BMPER: variants seen among roughly 807,000 people sequenced by gnomAD.
BMPER encodes BMP-binding endothelial regulator protein.
In BMPER, 45 loss-of-function variants were observed where a neutral mutation model predicts 87.3. The ratio of observed to expected loss-of-function variants is 0.52; its 90% confidence interval spans 0.41 to 0.66. The LOEUF (loss-of-function observed/expected upper bound fraction) is 0.66, where lower values mean the gene tolerates loss of function less well. Among genes scored for constraint, BMPER ranks in the 30% least tolerant of loss-of-function variants. BMPER has a pLI of 0.00. For missense variants in BMPER, 784 were observed against 867.5 expected (o/e 0.90, Z 1.21); for synonymous variants, 326 against 316.2 (o/e 1.03, Z -0.33).
At chr7:34,006,545 TA>T (rs1195455148) in intron 6 of BMPER, among the ~76,000 whole-genome samples, 2 of 152,076 alleles carry the variant, frequency 1.3e-5, no homozygotes, top group Non-Finnish European at 2.9e-5. Context: ...TCAAAATTGC[TA>T]ATTTTTTATA....
chr7:34,025,711 C>T (rs545743509), intron 6 of BMPER, among the ~76,000 whole-genome samples: 1 of 152,096 alleles, frequency 6.6e-6, no homozygotes, highest in East Asian at 2.0e-4. Context: ...ACTCAATTAG[C>T]ACTTAGTACT....
intron 6 of BMPER, among the ~76,000 whole-genome samples, chr7:34,009,391 G>A (rs1452017147): frequency 1.3e-5 from 2 of 151,802 alleles, no homozygotes; most frequent in African/African-American, 4.8e-5. Context: ...GTTTTATGAG[G>A]GTGCTCTATT....
At chr7:34,090,575 C>T (rs1048492442) in intron 13 of BMPER, among the ~76,000 whole-genome samples, 3 of 152,178 alleles carry the variant, frequency 2.0e-5, no homozygotes, top group Admixed American at 6.5e-5. Context: ...TGGGGCACAA[C>T]GAGAGGCCAG....
chr7:34,078,982 C>T lies in BMPER; in HGVS notation c.1204C>T (p.Gln402Ter). Residue 402 changes from glutamine (Q) to a stop codon, truncating the protein, a stop_gained, in exon 12 of 15, where the codon CAG becomes TAG. Transcript: ENST00000649409. LOFTEE classifies it high-confidence loss of function. ...CTGCTCCTCCCCTGCCTCGCCCTTC[C>T]AGGTGCTGGTGAAGAACGACGCCCG... ...KDCSSPASPF[Q>*]VLVKNDARRT... is the part of the protein sequence containing the mutation. 6.2e-7 allele frequency: 1 copy of T among 1,614,218 alleles called. No homozygotes were observed. Among genetic ancestry groups the T allele is most frequent in the Non-Finnish European group, 8.5e-7 (1 of 1,180,044 alleles).
At chr7:33,944,577 T>G (rs2128611475) in intron 3 of BMPER, among the ~76,000 whole-genome samples, 1 of 152,358 alleles carries the variant, frequency 6.6e-6, no homozygotes, top group South Asian at 2.1e-4. Context: ...TTGTTTGTTT[T>G]GAAACTTCTA....
At chr7:34,036,533 A>G (rs1204578388) in intron 6 of BMPER, among the ~76,000 whole-genome samples, 3 of 152,130 alleles carry the variant, frequency 2.0e-5, no homozygotes, top group African/African-American at 7.2e-5. Context: ...TGGAAGGGGA[A>G]AGACCTTGCT....
chr7:34,018,079 A>T (rs555903354), intron 6 of BMPER, among the ~76,000 whole-genome samples: 5 of 151,976 alleles, frequency 3.3e-5, no homozygotes, highest in African/African-American at 1.2e-4. Flanking sequence ...CAGTGCTGCC[A>T]TCCAAAACCA....
At chr7:33,994,144 C>G in intron 6 of BMPER, among the ~76,000 whole-genome samples, 1 of 152,202 alleles carries the variant, frequency 6.6e-6, no homozygotes, top group Non-Finnish European at 1.5e-5. Context: ...GTGGTGGGCT[C>G]CACCCAGTTC....
chr7:34,080,950 AT>A (rs1043290860), intron 12 of BMPER, among the ~76,000 whole-genome samples: 2 of 152,196 alleles, frequency 1.3e-5, no homozygotes, highest in Non-Finnish European at 2.9e-5. Context: ...CCATAATTAG[AT>A]TAGTGAATTT....
chr7:34,054,511 T>C (rs1042788560), intron 8 of BMPER, among the ~76,000 whole-genome samples: 51 of 152,230 alleles, frequency 3.4e-4, no homozygotes, highest in African/African-American at 1.2e-3. Flanking sequence ...AAGAGCACTT[T>C]TTTTTGAAAT....
At chr7:33,930,784 AT>A (rs1433718403) in intron 2 of BMPER, among the ~76,000 whole-genome samples, 1 of 152,152 alleles carries the variant, frequency 6.6e-6, no homozygotes, top group Non-Finnish European at 1.5e-5. Flanking sequence ...CTACAAAAAA[AT>A]AAAAATAAAA....
intron 11 of BMPER, among the ~76,000 whole-genome samples, 183 bp downstream of exon 11, chr7:34,062,230 A>G (rs1311194141): frequency 6.6e-6 from 1 of 152,218 alleles, no homozygotes; most frequent in Non-Finnish European, 1.5e-5. Context: ...AGTACAATGG[A>G]GACAAATATA....
chr7:33,973,291 A>G, intron 5 of BMPER, among the ~76,000 whole-genome samples: 1 of 152,212 alleles, frequency 6.6e-6, no homozygotes, highest in Non-Finnish European at 1.5e-5. Context: ...AAGAGAGACG[A>G]GTGGGCATCT....
intron 2 of BMPER, among the ~76,000 whole-genome samples, chr7:33,911,768 A>G (rs1253504528): frequency 7.2e-5 from 11 of 152,224 alleles, no homozygotes; most frequent in Non-Finnish European, 1.0e-4. Flanking sequence ...AATGAGATGT[A>G]GCACATAAAG....
At chr7:33,950,124 T>C (rs1784985038) in intron 3 of BMPER, among the ~76,000 whole-genome samples, 1 of 152,222 alleles carries the variant, frequency 6.6e-6, no homozygotes, top group African/African-American at 2.4e-5. Flanking sequence ...TGGTTGCCTT[T>C]AAGTTAGAAG....
chr7:33,909,476 G>A (rs1783901021), intron 2 of BMPER, among the ~76,000 whole-genome samples: 1 of 152,112 alleles, frequency 6.6e-6, no homozygotes, highest in South Asian at 2.1e-4. Context: ...TATATGAAAG[G>A]AAAATCTCGT....
chr7:34,003,478 C>G (rs770892005), intron 6 of BMPER, among the ~76,000 whole-genome samples: 1 of 151,890 alleles, frequency 6.6e-6, no homozygotes, highest in South Asian at 2.1e-4. Context: ...TCCGTTAAAT[C>G]CTGTAGAAAA....
chr7:33,906,106 G>C (rs1562621915), intron 1 of BMPER, among the ~76,000 whole-genome samples: 2 of 152,136 alleles, frequency 1.3e-5, no homozygotes, highest in South Asian at 4.1e-4. Context: ...TCATCTTTGG[G>C]GTTGCAATAC....
At chr7:33,985,273 T>G (rs150301461) in intron 6 of BMPER, among the ~76,000 whole-genome samples, 9 of 152,342 alleles carry the variant, frequency 5.9e-5, no homozygotes, top group African/African-American at 2.2e-4. Context: ...TACCTATAAT[T>G]CTGTAGGTAG....
Sources: allele counts gnomAD v4.1 joint callset (sites outside exome capture counted in the v4.1 genomes callset), GRCh38; gene constraint gnomAD v4.1.1; transcripts MANE v1.5; gene names NCBI Gene and HGNC (gene_info 2026-07-23, HGNC 2026-07-21).